The following TIMP3 variants were observed in gnomAD, a reference collection of about 807,000 sequenced individuals.
TIMP3 encodes the protein metalloproteinase inhibitor 3.
TIMP3 carries 11 observed loss-of-function variants against 30.0 expected under a neutral mutation model. The observed-to-expected ratio is 0.37, with a 90% CI of 0.23 to 0.61. TIMP3 has a LOEUF of 0.61. Among genes scored for constraint, TIMP3 ranks in the 20% least tolerant of loss-of-function variants. TIMP3 has a pLI of 0.70. For synonymous variants in TIMP3, 112 were observed against 111.3 expected (o/e 1.01, Z -0.04); for missense variants, 181 against 276.8 (o/e 0.65, Z 2.45).
intron 1 of TIMP3, among the ~76,000 whole-genome samples, chr22:32,843,457 G>A (rs1047161891): frequency 3.9e-5 from 6 of 152,200 alleles, no homozygotes; most frequent in South Asian, 2.1e-4. Flanking sequence ...CTTGCTTGGC[G>A]GGCTCCAGGC....
At chr22:32,827,206 G>A (rs2047438452) in intron 1 of TIMP3, among the ~76,000 whole-genome samples, 1 of 152,210 alleles carries the variant, frequency 6.6e-6, no homozygotes, top group Admixed American at 6.5e-5. Context: ...GACTTTGCGT[G>A]GAGTGTCAGC....
chr22:32,821,223 C>T (rs2047238443), intron 1 of TIMP3, among the ~76,000 whole-genome samples: 1 of 152,074 alleles, frequency 6.6e-6, no homozygotes, highest in Non-Finnish European at 1.5e-5. Context: ...AAACTCTGAG[C>T]CTTGGTTTTC....
intron 1 of TIMP3, among the ~76,000 whole-genome samples, chr22:32,818,946 G>T (rs1278929174): frequency 6.6e-6 from 1 of 152,140 alleles, no homozygotes; most frequent in African/African-American, 2.4e-5. Context: ...GCTACTCCTC[G>T]CCCCCTCCTG....
chr22:32,851,154 A>G (rs910133289), intron 2 of TIMP3, among the ~76,000 whole-genome samples: 1 of 152,170 alleles, frequency 6.6e-6, no homozygotes, highest in Non-Finnish European at 1.5e-5. Flanking sequence ...CAAAAAGCCC[A>G]CTTTGCAACC....
chr22:32,858,615 G>C (rs574162127), intron 4 of TIMP3, among the ~76,000 whole-genome samples: 454 of 152,278 alleles, frequency 3.0e-3, no homozygotes, highest in African/African-American at 0.01. Context: ...CCCAAGTATA[G>C]GGCCAAGGTG....
intron 1 of TIMP3, among the ~76,000 whole-genome samples, chr22:32,804,502 C>T (rs1168766707): frequency 6.6e-6 from 1 of 152,232 alleles, no homozygotes; most frequent in Middle Eastern, 3.2e-3. Context: ...CCATCAACTT[C>T]CTGTTTTAAA....
intron 1 of TIMP3, among the ~76,000 whole-genome samples, chr22:32,825,761 C>T (rs1400002602): frequency 7.5e-6 from 1 of 132,784 alleles, no homozygotes; most frequent in Non-Finnish European, 1.5e-5. Context: ...TGTGCATGTA[C>T]AGATATAAAC....
intron 2 of TIMP3, among the ~76,000 whole-genome samples, chr22:32,855,676 T>C (rs2048342958): frequency 6.6e-6 from 1 of 152,158 alleles, no homozygotes; most frequent in Admixed American, 6.5e-5. Flanking sequence ...GGCCGGATAA[T>C]TCTTTGTTCT....
chr22:32,828,540 A>G (rs188835572), intron 1 of TIMP3, among the ~76,000 whole-genome samples: 1 of 152,322 alleles, frequency 6.6e-6, no homozygotes, highest in African/African-American at 2.4e-5. Context: ...TCTAGGCCAC[A>G]GGCAGGGCAT....
At chr22:32,822,077 C>T (rs1053435368) in intron 1 of TIMP3, among the ~76,000 whole-genome samples, 2 of 151,450 alleles carry the variant, frequency 1.3e-5, no homozygotes, top group African/African-American at 4.9e-5. Context: ...ATTGCTTGAA[C>T]CTGGGAGGCA....
chr22:32,822,478 G>A (rs1360216678), intron 1 of TIMP3, among the ~76,000 whole-genome samples: 1 of 152,192 alleles, frequency 6.6e-6, no homozygotes, highest in Non-Finnish European at 1.5e-5. Flanking sequence ...TCTGGGGAGG[G>A]AAGTATGTTC....
intron 1 of TIMP3, among the ~76,000 whole-genome samples, chr22:32,842,787 A>G (rs1319035793): frequency 2.0e-5 from 3 of 152,142 alleles, no homozygotes; most frequent in African/African-American, 4.8e-5. Context: ...TAAACAGATG[A>G]TACGATATAC....
intron 1 of TIMP3, among the ~76,000 whole-genome samples, chr22:32,842,273 GT>G (rs1332617475): frequency 1.3e-5 from 2 of 152,114 alleles, no homozygotes; most frequent in African/African-American, 2.4e-5. Context: ...TTTCAGGAGG[GT>G]TTTTTTGGGA....
intron 3 of TIMP3, 31 bp downstream of exon 3, chr22:32,857,391 GTTTGGCCAAGGTCCAC>G (rs1367126464): frequency 6.5e-7 from 1 of 1,549,498 alleles, no homozygotes; most frequent in Non-Finnish European, 8.9e-7. Flanking sequence ...CTAGGCCAGG[GTTTGGCCAAGGTCCAC>G]TGTTTCTTGA....
At chr22:32,858,515 G>A (rs576775965) in intron 4 of TIMP3, among the ~76,000 whole-genome samples, 24 of 152,068 alleles carry the variant, frequency 1.6e-4, no homozygotes, top group African/African-American at 5.6e-4. Flanking sequence ...CTGACTCATC[G>A]CTAACCCCAC....
chr22:32,819,807 T>C (rs983507219), intron 1 of TIMP3, among the ~76,000 whole-genome samples: 1 of 152,210 alleles, frequency 6.6e-6, no homozygotes, highest in African/African-American at 2.4e-5. Context: ...ATTAACTGGC[T>C]ATCTTGCTAT....
chr22:32,858,179 A>T, intron 4 of TIMP3, 41 bp downstream of exon 4: 2 of 1,609,482 alleles, frequency 1.2e-6, no homozygotes, highest in Non-Finnish European at 1.7e-6. Flanking sequence ...GGAGGTGCTG[A>T]CTTGCAGCCC....
chr22:32,849,602 G>A, intron 2 of TIMP3, 68 bp downstream of exon 2: 2 of 1,434,054 alleles, frequency 1.4e-6, no homozygotes, highest in East Asian at 2.4e-5. Flanking sequence ...CCTGGCTAAG[G>A]GAGGCAAAGT....
Position 32,859,462 on chromosome 22 carries a change from A to C in TIMP3, c.*85A>C. ...AACTCTTCCCAGATGATGACAATGA[A>C]ATTAGTGCCTGTTTTCTTGCAAATT... On this transcript the variant is annotated 3_prime_UTR_variant, in exon 5 of 5. Coordinates refer to ENST00000266085, the MANE Select transcript of TIMP3 (RefSeq NM_000362.5). The C allele has an allele frequency of 6.8e-7, 1 of 1,476,594 alleles. No homozygotes were observed. The allele number at this position is 1,476,594 out of a possible 1,614,324, so 91.5% of individuals were successfully genotyped here.
Sources: gnomAD v4.1 joint callset for allele counts (sites outside exome capture counted in the v4.1 genomes callset) on GRCh38, gnomAD v4.1.1 for gene constraint, MANE v1.5 for transcripts, NCBI Gene and HGNC (gene_info 2026-07-23, HGNC 2026-07-21) for gene names.